The following BMPR1B variants were observed in gnomAD, a reference collection of about 807,000 sequenced individuals.
BMPR1B encodes bone morphogenetic protein receptor type-1B.
Under a neutral mutation model 59.1 loss-of-function variants are expected in BMPR1B, and 12 were observed. That is an observed-to-expected ratio of 0.20 (90% CI 0.13 to 0.33). The LOEUF is 0.33. Ranked by LOEUF, BMPR1B falls within the 10% of genes least tolerant of loss-of-function variation. BMPR1B has a pLI of 1.00. For missense variants in BMPR1B, 550 were observed against 610.9 expected (o/e 0.90, Z 1.05); for synonymous variants, 237 against 207.3 (o/e 1.14, Z -1.23).
chr4:94,783,457 T>C (rs1335315025), intron 1 of BMPR1B, among the ~76,000 whole-genome samples: 1 of 152,232 alleles, frequency 6.6e-6, no homozygotes, highest in East Asian at 1.9e-4. Flanking sequence ...TCCCTTATAC[T>C]CTGCTGTTTC....
At chr4:94,904,105 T>G (rs965442076) in intron 2 of BMPR1B, among the ~76,000 whole-genome samples, 1 of 152,038 alleles carries the variant, frequency 6.6e-6, no homozygotes, top group Non-Finnish European at 1.5e-5. Flanking sequence ...GTTAAAAAAT[T>G]TCAAATGTGT....
intron 3 of BMPR1B, among the ~76,000 whole-genome samples, chr4:95,036,863 A>G (rs988998766): frequency 6.6e-6 from 1 of 151,994 alleles, no homozygotes; most frequent in Non-Finnish European, 1.5e-5. Flanking sequence ...CCTTTTCTCT[A>G]CATCCTTGTC....
chr4:95,118,999 A>G (rs1216944187), intron 6 of BMPR1B, among the ~76,000 whole-genome samples: 1 of 152,180 alleles, frequency 6.6e-6, no homozygotes, highest in Non-Finnish European at 1.5e-5. Flanking sequence ...AAGATAAGTA[A>G]TACACAGTGT....
At chr4:94,910,326 A>G (rs1213346966) in intron 2 of BMPR1B, among the ~76,000 whole-genome samples, 1 of 152,070 alleles carries the variant, frequency 6.6e-6, no homozygotes, top group Non-Finnish European at 1.5e-5. Context: ...TATCCCATGC[A>G]ATATTTTTTC....
At chr4:94,772,405 A>C (rs1722219318) in intron 1 of BMPR1B, among the ~76,000 whole-genome samples, 1 of 152,222 alleles carries the variant, frequency 6.6e-6, no homozygotes. Flanking sequence ...AAATAACCAG[A>C]TTAAACACAT....
chr4:95,073,321 A>G (rs964562096), intron 3 of BMPR1B, among the ~76,000 whole-genome samples: 20 of 152,200 alleles, frequency 1.3e-4, no homozygotes, highest in Admixed American at 1.3e-3. Flanking sequence ...CTGTGACTTC[A>G]TGAAGAGAAG....
At chr4:94,922,512 T>C (rs1228729571) in intron 2 of BMPR1B, among the ~76,000 whole-genome samples, 1 of 152,190 alleles carries the variant, frequency 6.6e-6, no homozygotes, top group Non-Finnish European at 1.5e-5. Flanking sequence ...CTGTTGATAA[T>C]GTTTTAGCAC....
At chr4:94,965,505 G>A (rs1730521049) in intron 2 of BMPR1B, among the ~76,000 whole-genome samples, 1 of 152,060 alleles carries the variant, frequency 6.6e-6, no homozygotes, top group Non-Finnish European at 1.5e-5. Flanking sequence ...AAATCCATTT[G>A]TTTTCTGGCC....
intron 1 of BMPR1B, among the ~76,000 whole-genome samples, chr4:94,797,508 A>G (rs1723240461): frequency 6.6e-6 from 1 of 152,222 alleles, no homozygotes; most frequent in Non-Finnish European, 1.5e-5. Context: ...GATTTAACGA[A>G]ATATTAAATA....
At chr4:95,011,136 T>G (rs1041435400) in intron 3 of BMPR1B, among the ~76,000 whole-genome samples, 2 of 152,116 alleles carry the variant, frequency 1.3e-5, no homozygotes, top group African/African-American at 4.8e-5. Context: ...GCTGGTTACG[T>G]AGGTAAACTT....
intron 2 of BMPR1B, among the ~76,000 whole-genome samples, chr4:94,887,870 A>G (rs1727245097): frequency 6.6e-6 from 1 of 152,084 alleles, no homozygotes; most frequent in Non-Finnish European, 1.5e-5. Flanking sequence ...AGAAATAGAA[A>G]AAAATCGGAA....
At chr4:94,767,757 A>G (rs1398234391) in intron 1 of BMPR1B, among the ~76,000 whole-genome samples, 2 of 152,098 alleles carry the variant, frequency 1.3e-5, no homozygotes, top group Non-Finnish European at 1.5e-5. Flanking sequence ...GTAATTCTCA[A>G]TGGACCAGAT....
chr4:95,131,643 A>T, intron 10 of BMPR1B, 131 bp downstream of exon 10: 1 of 1,076,956 alleles, frequency 9.3e-7, no homozygotes, highest in Non-Finnish European at 1.4e-6. Flanking sequence ...GGGGAGAACC[A>T]CCAAACATTT....
At chr4:95,128,217 AG>A (rs1207478003) in intron 8 of BMPR1B, among the ~76,000 whole-genome samples, 1 of 152,174 alleles carries the variant, frequency 6.6e-6, no homozygotes, top group Non-Finnish European at 1.5e-5. Context: ...TCTATGACAA[AG>A]GTGAGCAAAG....
At chr4:94,944,590 A>G (rs1459558060) in intron 2 of BMPR1B, among the ~76,000 whole-genome samples, 2 of 152,194 alleles carry the variant, frequency 1.3e-5, no homozygotes, top group African/African-American at 2.4e-5. Context: ...AGGGAATTAT[A>G]TGTAATTTTT....
chr4:94,779,215 A>C (rs1428438828), intron 1 of BMPR1B, among the ~76,000 whole-genome samples: 1 of 152,038 alleles, frequency 6.6e-6, no homozygotes. Flanking sequence ...TGTGTAACCT[A>C]TTTATGTATA....
At chr4:95,076,895 C>G (rs536494109) in intron 3 of BMPR1B, among the ~76,000 whole-genome samples, 11 of 152,174 alleles carry the variant, frequency 7.2e-5, no homozygotes, top group African/African-American at 2.4e-4. Context: ...GAAGATGAAG[C>G]TGGAATGGAA....
chr4:94,881,566 A>C (rs34158313), intron 2 of BMPR1B, among the ~76,000 whole-genome samples: 26,761 of 151,880 alleles, frequency 0.18, 2,491 homozygotes, highest in South Asian at 0.22. Flanking sequence ...CCCAGGTTCA[A>C]GTGATTCTCC....
intron 3 of BMPR1B, among the ~76,000 whole-genome samples, chr4:95,024,391 C>T (rs1479330822): frequency 6.6e-6 from 1 of 152,140 alleles, no homozygotes; most frequent in African/African-American, 2.4e-5. Context: ...CTAGAATTCT[C>T]CTATGTCCTC....
Sources: allele counts gnomAD v4.1 joint callset (sites outside exome capture counted in the v4.1 genomes callset), GRCh38; gene constraint gnomAD v4.1.1; transcripts MANE v1.5; gene names NCBI Gene and HGNC (gene_info 2026-07-23, HGNC 2026-07-21).